Variants in EFCAB8 observed in about 807,000 individuals in gnomAD.
EFCAB8 encodes the protein EF-hand calcium binding domain 8.
In EFCAB8, 100 loss-of-function variants were observed where a neutral mutation model predicts 116.3. That is an observed-to-expected ratio of 0.86 (90% CI 0.73 to 1.02). EFCAB8 has a LOEUF of 1.02. Ranked by LOEUF, EFCAB8 falls within the 50% of genes least tolerant of loss-of-function variation. The pLI, the probability that EFCAB8 is intolerant of heterozygous loss-of-function variation, is 0.00. For missense variants in EFCAB8, 1,320 were observed against 1,416.9 expected, an observed-to-expected ratio of 0.93 and a Z score of 1.10; for synonymous variants, 558 against 567.9, an observed-to-expected ratio of 0.98 and a Z score of 0.25.
intron 3 of EFCAB8, among the ~76,000 whole-genome samples, chr20:32,869,482 TG>T (rs749852292): frequency 3.3e-5 from 5 of 152,176 alleles, no homozygotes; most frequent in Non-Finnish European, 7.4e-5. Context: ...GTGATCCGCC[TG>T]CCTTAGCCTC....
At chr20:32,957,422 G>T (rs1251761067) in intron 23 of EFCAB8, among the ~76,000 whole-genome samples, 2 of 152,020 alleles carry the variant, frequency 1.3e-5, no homozygotes, top group Non-Finnish European at 2.9e-5. Context: ...TCTGTATAGG[G>T]CTGAGCATCT....
In EFCAB8 at chr20:32,876,031, G is replaced by T. The variant is rs1263978013; in HGVS notation, c.314G>T (p.Gly105Val). The change falls in exon 4 of 27, where the codon GGC (glycine) becomes GTC (valine). Residue 105 changes from glycine (G) to valine (V), a missense_variant. Gly to Val is a moderately radical substitution (Grantham distance 109). Transcript: ENST00000400522. Reference sequence around the variant, plus strand: ...TTGAAGGTGGACTCGGACTGTGAAGGCTTTGTCACCTGGGTGAGGAGGGTG... The same window carrying T: ...TTGAAGGTGGACTCGGACTGTGAAGTCTTTGTCACCTGGGTGAGGAGGGTG... ...LFLKVDSDCE[G>V]FVTWQKYVDY... The T allele has an allele frequency of 1.3e-6, 2 of 1,551,996 alleles. No homozygotes were observed. Among genetic ancestry groups the T allele is most frequent in the South Asian group, 1.2e-5 (1 of 84,056 alleles).
rs150049167 is a variant in EFCAB8 at position 32,951,429 on chromosome 20, A to T, written c.2960-6992A>T. ...AGAGAAGCCAGACGAAAACCTGTACATATTGTATGATTCTATTTATTTTTT... is the reference window on the plus strand; with the variant it reads ...AGAGAAGCCAGACGAAAACCTGTACTTATTGTATGATTCTATTTATTTTTT... On this transcript the variant is annotated intron_variant, in intron 23 of 26. Transcript: ENST00000400522. Among the ~76,000 whole-genome samples, 495 of 152,336 alleles carry T rather than the reference A, an allele frequency of 3.2e-3. 1 individual carries two copies. The highest frequency in any genetic ancestry group is 0.012 in the African/African-American group (479 of 41,574).
At chr20:32,907,519 G>A (rs573568550) in intron 13 of EFCAB8, among the ~76,000 whole-genome samples, 4 of 152,294 alleles carry the variant, frequency 2.6e-5, no homozygotes, top group Non-Finnish European at 5.9e-5. Context: ...ATACTGCCCC[G>A]TCTGCTGGGC....
chr20:32,900,302 A>C (rs1440987381), intron 11 of EFCAB8, among the ~76,000 whole-genome samples: 2 of 152,182 alleles, frequency 1.3e-5, no homozygotes, highest in Non-Finnish European at 2.9e-5. Context: ...TGACTGTCTT[A>C]GAGCAGACAC....
chr20:32,883,407 G>C (rs9967910), intron 5 of EFCAB8, among the ~76,000 whole-genome samples: 128 of 152,314 alleles, frequency 8.4e-4, no homozygotes, highest in African/African-American at 2.8e-3. Flanking sequence ...ATCCAGTGGA[G>C]AATTTGTCCC....
Position 32,893,231 on chromosome 20 carries a change from C to T in EFCAB8, c.816C>T (p.Val272=), listed in dbSNP as rs984120199. 3 of 1,552,058 alleles carry T rather than the reference C, an allele frequency of 1.9e-6. No individual in the cohort carries two copies. In the South Asian group the frequency reaches 3.6e-5, roughly 18 times the overall value. Residue 272 remains valine, a synonymous_variant, in exon 9 of 27, where the codon GTC becomes GTT. Coordinates refer to ENST00000400522, the MANE Select transcript of EFCAB8 (RefSeq NM_001143967.2). ...CYGDAKGNVI[V]FTSENMTSGL... is the part of the protein sequence containing the mutation. Reference sequence around the variant, plus strand: ...GAGACGCCAAAGGCAACGTCATTGTCTTCACCTCCGAAAACATGACCAGTG... The same window carrying T: ...GAGACGCCAAAGGCAACGTCATTGTTTTCACCTCCGAAAACATGACCAGTG...
rs116023449 is a variant in EFCAB8 at position 32,904,941 on chromosome 20, A to T, written c.1089-1621A>T. 9.9e-3 allele frequency among the ~76,000 whole-genome samples: 1,504 copies of T among 152,160 alleles called. 23 individuals carry two copies. Among genetic ancestry groups the T allele is most frequent in the African/African-American group, 0.033 (1,354 of 41,526 alleles). On this transcript the variant is annotated intron_variant, in intron 11 of 26. Coordinates refer to ENST00000400522, the MANE Select transcript of EFCAB8 (RefSeq NM_001143967.2). Reference sequence around the variant, plus strand: ...TGTGCCTGGCCAGAATGGAGTTTTGAAGAGTGTAGTAGAAGGAGCTGGCGG... The same window carrying T: ...TGTGCCTGGCCAGAATGGAGTTTTGTAGAGTGTAGTAGAAGGAGCTGGCGG...
chr20:32,957,593 T>C (rs1403414504), intron 23 of EFCAB8, among the ~76,000 whole-genome samples: 2 of 152,198 alleles, frequency 1.3e-5, no homozygotes, highest in East Asian at 1.9e-4. Context: ...GGCTTTTCTA[T>C]ACCAGCACCT....
At chr20:32,873,666 C>G (rs1474406673) in intron 3 of EFCAB8, among the ~76,000 whole-genome samples, 3 of 151,732 alleles carry the variant, frequency 2.0e-5, no homozygotes, top group Non-Finnish European at 4.4e-5. Context: ...AGTTTGAGAG[C>G]AGCCTGGCCA....
chr20:32,885,056 C>T (rs896071470), intron 5 of EFCAB8, among the ~76,000 whole-genome samples: 3 of 152,194 alleles, frequency 2.0e-5, no homozygotes, highest in Admixed American at 6.5e-5. Flanking sequence ...TCTGTTCCCC[C>T]CTCTACCCCA....
intron 3 of EFCAB8, among the ~76,000 whole-genome samples, chr20:32,874,052 T>G (rs888989242): frequency 6.6e-6 from 1 of 151,436 alleles, no homozygotes; most frequent in East Asian, 2.0e-4. Context: ...TCCCCAGTAG[T>G]TGGGACTACA....
Position 32,878,734 on chromosome 20 carries a change from T to G in EFCAB8, c.358T>G (p.Phe120Val), listed in dbSNP as rs1299468574. 1 of 1,551,698 alleles carries G rather than the reference T, an allele frequency of 6.4e-7. No individual in the cohort carries two copies. Among genetic ancestry groups the G allele is most frequent in the Non-Finnish European group, 8.7e-7 (1 of 1,147,016 alleles). Residue 120 changes from phenylalanine (F) to valine (V), a missense_variant, in exon 5 of 27, where the codon TTC (phenylalanine) becomes GTC (valine). Physicochemically the swap from Phe to Val is conservative, Grantham distance 50. Coordinates refer to ENST00000400522, the MANE Select transcript of EFCAB8 (RefSeq NM_001143967.2). ...QKYVDYMMRE[F>V]QGKEDMRKSQ... is the part of the protein sequence containing the mutation. The stretch of plus-strand genomic sequence containing the variant: ...GTATGTGGATTACATGATGCGTGAG[T>G]TCCAGGGAAAAGAGGACATGCGAAA...
rs11483446 is a variant in EFCAB8, at chr20:32,929,502, GT to G, written c.2413-881del. 7.9e-3 allele frequency among the ~76,000 whole-genome samples: 555 copies of G among 70,008 alleles called. 3 individuals carry two copies. The highest frequency in any genetic ancestry group is 0.026 in the African/African-American group (468 of 18,008). The allele number at this position is 70,008 out of a possible 152,430, so 45.9% of individuals were successfully genotyped here. A position where few individuals can be genotyped will look rare whatever the true frequency, so the allele number is the denominator to read the frequency against. On this transcript the variant is annotated intron_variant, in intron 20 of 26. Transcript: ENST00000400522. ...CTCCCCTCCGCTTCTCTTCCCTTCT[GT>G]TTTTTTTTTTTTTTCTTTAAATAGA...
At chr20:32,907,320 C>A (rs1462599677) in intron 13 of EFCAB8, among the ~76,000 whole-genome samples, 2 of 152,258 alleles carry the variant, frequency 1.3e-5, no homozygotes, top group African/African-American at 4.8e-5. Context: ...CAGTGTCTGG[C>A]ACAGGGGAGT....
chr20:32,917,430 CT>C lies in EFCAB8; in HGVS notation c.1987del (p.Trp663GlyfsTer29). The C allele has an allele frequency of 6.4e-7, 1 of 1,552,136 alleles. No individual in the cohort carries two copies. The highest frequency in any genetic ancestry group is 8.7e-7 in the Non-Finnish European group (1 of 1,147,074). ...TSSYSGDILF[W>X]NTGTLKPIFN... ...CCTCCTACAGTGGGGACATCCTCTTCTGGAACACCGGCACACTCAAGCCCAT... is the reference window on the plus strand; with the variant it reads ...CCTCCTACAGTGGGGACATCCTCTTCGGAACACCGGCACACTCAAGCCCAT... On this transcript the variant is annotated frameshift_variant, in exon 18 of 27. Transcript: ENST00000400522. LOFTEE classifies it high-confidence loss of function.
chr20:32,865,437 C>T (rs1984339617), intron 2 of EFCAB8, among the ~76,000 whole-genome samples: 2 of 152,014 alleles, frequency 1.3e-5, no homozygotes, highest in South Asian at 4.1e-4. Flanking sequence ...TTAGGAAGTA[C>T]TTTGAATGCT....
intron 22 of EFCAB8, among the ~76,000 whole-genome samples, chr20:32,939,156 T>TTTCC: frequency 2.2e-5 from 2 of 89,170 alleles, no homozygotes; most frequent in Non-Finnish European, 5.0e-5. Context: ...TCTTTCTTTC[T>TTTCC]TTCTTTCTTT....
intron 22 of EFCAB8, among the ~76,000 whole-genome samples, chr20:32,938,752 C>T (rs1372518566): frequency 1.3e-5 from 2 of 149,418 alleles, no homozygotes; most frequent in Admixed American, 1.3e-4. Context: ...AATTGCATAA[C>T]ATTATGGGAA....
Sources: allele counts gnomAD v4.1 joint callset (sites outside exome capture counted in the v4.1 genomes callset), GRCh38; gene constraint gnomAD v4.1.1; transcripts MANE v1.5; gene names NCBI Gene and HGNC (gene_info 2026-07-23, HGNC 2026-07-21).